KIF22: variants seen among roughly 807,000 people sequenced by gnomAD.
KIF22 encodes the protein kinesin family member 22, also known as kinesin-like protein KIF22.
KIF22 carries 62 observed loss-of-function variants against 73.0 expected under a neutral mutation model. The ratio of observed to expected loss-of-function variants is 0.85; its 90% confidence interval spans 0.69 to 1.05. The LOEUF is 1.05. Among genes scored for constraint, KIF22 ranks in the 50% least tolerant of loss-of-function variants. KIF22 has a pLI of 0.00. For missense variants in KIF22, 854 were observed against 870.1 expected (o/e 0.98, Z 0.23); for synonymous variants, 411 against 340.1 (o/e 1.21, Z -2.29).
chr16:29,800,756 A>T (rs1219647401), intron 8 of KIF22, among the ~76,000 whole-genome samples: 1 of 152,232 alleles, frequency 6.6e-6, no homozygotes, highest in Non-Finnish European at 1.5e-5. Flanking sequence ...ACAGAGCAAG[A>T]CTGCATCTCA....
rs772351052 is a variant in KIF22, at chr16:29,805,137, A to T, written c.1913A>T (p.Glu638Val). Residue 638 changes from glutamate (E) to valine (V), a missense_variant, in exon 13 of 14, where the codon GAG becomes GTG. Coordinates refer to ENST00000160827, the MANE Select transcript of KIF22 (RefSeq NM_007317.3). ...CAGGTGGAGGACCTGGAACGCGTGGAGGGCATAACGGGGAAACAGATGGAG... is the reference window on the plus strand; with the variant it reads ...CAGGTGGAGGACCTGGAACGCGTGGTGGGCATAACGGGGAAACAGATGGAG... ...FSQVEDLERVEGITGKQMESF... is the reference protein window; with the variant it reads ...FSQVEDLERVVGITGKQMESF... The T allele has an allele frequency of 6.2e-7, 1 of 1,613,378 alleles. No homozygotes were observed. Among genetic ancestry groups the T allele is most frequent in the Admixed American group, 1.7e-5 (1 of 59,950 alleles).
rs1898996935 is a variant in KIF22, at chr16:29,798,042, C to T, written c.267-332C>T. ...AAAATCTTCCTTCCTTGAGCAGAAT[C>T]AGTTACTCCTTTGAGAGTGTGTTCT... is the stretch of plus-strand genomic sequence containing the variant. On this transcript the variant is annotated intron_variant, in intron 2 of 13. Transcript: ENST00000160827. This position sits in a 1 kb window ranked among gnomAD's most constrained non-coding sequence, Gnocchi z 4.1. Among the ~76,000 whole-genome samples, 1 of 152,184 alleles carries T rather than the reference C, an allele frequency of 6.6e-6. No homozygotes were observed. The highest frequency in any genetic ancestry group is 1.5e-5 in the Non-Finnish European group (1 of 68,038).
In KIF22 at chr16:29,798,846, A is replaced by G; in HGVS notation, c.549+99A>G. On this transcript the variant is annotated intron_variant, in intron 4 of 13. Transcript: ENST00000160827. This position sits in a 1 kb window ranked among gnomAD's most constrained non-coding sequence, Gnocchi z 4.1. ...TGCTGTAGCAGGGAGGTAAGGTGAG[A>G]CCTAGAAAGACAGAGACTGGGGTAG... 2 of 1,547,094 alleles carry G rather than the reference A, an allele frequency of 1.3e-6. No homozygotes were observed. Among genetic ancestry groups the G allele is most frequent in the Non-Finnish European group, 1.8e-6 (2 of 1,132,614 alleles).
At chr16:29,801,816 G>C (rs1899147066) in intron 8 of KIF22, among the ~76,000 whole-genome samples, 1 of 152,162 alleles carries the variant, frequency 6.6e-6, no homozygotes, top group Admixed American at 6.5e-5. Flanking sequence ...AAGCACAGGA[G>C]TGTCCCTGTC....
At position 29,799,160 on chromosome 16, in the gene KIF22, C is replaced by A. The variant is rs777907674; in HGVS notation, c.735C>A (p.Arg245=). The change falls in exon 5 of 14, where the codon CGC becomes CGA. Residue 245 remains arginine, a synonymous_variant. Coordinates refer to ENST00000160827, the MANE Select transcript of KIF22 (RefSeq NM_007317.3). The part of the protein sequence containing the change: ...GATRLNQRSS[R]SHAVLLVKVD... ...CCCGGCTCAACCAGCGCTCCTCCCG[C>A]AGTCATGCTGTGCTCCTGGTCAAGG... 6 of 1,613,846 alleles carry A rather than the reference C, an allele frequency of 3.7e-6. No homozygotes were observed. In the Admixed American group the frequency reaches 5.0e-5, roughly 13 times the overall value.
chr16:29,801,277 C>A lies in KIF22; in HGVS notation c.1280+1229C>A, dbSNP rs537741116. Among the ~76,000 whole-genome samples, 10 of 152,300 alleles carry A rather than the reference C, an allele frequency of 6.6e-5. No individual in the cohort carries two copies. The South Asian group carries it at 2.1e-3, about 32-fold the overall frequency. On this transcript the variant is annotated intron_variant, in intron 8 of 13. Transcript: ENST00000160827. ...TTGCTTTCTGTGTCTGGCCACTTAG[C>A]CCTTGCGCTATTCCCTCCACCCCCC...
intron 1 of KIF22, among the ~76,000 whole-genome samples, chr16:29,794,482 G>C (rs637460): frequency 0.038 from 5,835 of 152,230 alleles, 158 homozygotes; most frequent in Non-Finnish European, 0.059. Context: ...GCTGTAAATG[G>C]CAGAGCTGGG....
rs147136256 is a variant in KIF22 at position 29,797,186 on chromosome 16, A to G, written c.266+98A>G. On this transcript the variant is annotated intron_variant, in intron 2 of 13. Transcript: ENST00000160827. The surrounding 1 kb of genome is among the most constrained non-coding windows in gnomAD (Gnocchi z 4.1). ...TCCCCAGGATCCTTGCTCCCTCCTT[A>G]GCACCGCTTTGTTCCCTGAGCCTTC... 21 of 892,230 alleles carry G rather than the reference A, an allele frequency of 2.4e-5. 1 individual carries two copies. In the African/African-American group the frequency reaches 3.6e-4, roughly 15 times the overall value. 55.3% of individuals were successfully genotyped at this position (892,230 alleles called of 1,614,324 possible). A position where few individuals can be genotyped will look rare whatever the true frequency, so the allele number is the denominator to read the frequency against.
chr16:29,790,783 G>A lies in KIF22; in HGVS notation c.24G>A (p.Gln8=), dbSNP rs776056500. The change falls in exon 1 of 14, where the codon CAG becomes CAA. Residue 8 remains glutamine, a synonymous_variant. Transcript: ENST00000160827. MAAGGST[Q]QRRREMAAAS... ...GAATGGCCGCGGGCGGCTCGACGCA[G>A]CAGAGGCGACGCGAGATGGCGGCAG... 2 of 1,601,918 alleles carry A rather than the reference G, an allele frequency of 1.2e-6. No individual in the cohort carries two copies. Among genetic ancestry groups the A allele is most frequent in the Non-Finnish European group, 1.7e-6 (2 of 1,174,488 alleles).
intron 1 of KIF22, among the ~76,000 whole-genome samples, chr16:29,795,152 G>A (rs1898917422): frequency 6.6e-6 from 1 of 152,180 alleles, no homozygotes; most frequent in Non-Finnish European, 1.5e-5. Context: ...ACAAGTCAGT[G>A]CACCTCAGTT....
At position 29,803,024 on chromosome 16, in the gene KIF22, C is replaced by G. The variant is rs551921234; in HGVS notation, c.1449+87C>G. On this transcript the variant is annotated intron_variant, in intron 9 of 13. Coordinates refer to ENST00000160827, the MANE Select transcript of KIF22 (RefSeq NM_007317.3). ...CTTCAGACAGGGAAGGACACTCAGG[C>G]TGGACTAGAGTCCAGTTTTCTCCCA... 120 of 1,375,638 alleles carry G rather than the reference C, an allele frequency of 8.7e-5. 1 individual carries two copies. In the East Asian group the frequency reaches 2.7e-3, roughly 31 times the overall value. The allele number at this position is 1,375,638 out of a possible 1,614,324, so 85.2% of individuals were successfully genotyped here.
At chr16:29,795,173 A>C (rs1187406653) in intron 1 of KIF22, among the ~76,000 whole-genome samples, 1 of 152,218 alleles carries the variant, frequency 6.6e-6, no homozygotes, top group African/African-American at 2.4e-5. Flanking sequence ...TTCTATCTGC[A>C]CACATGCATC....
chr16:29,800,083 G>A (rs1320034636), intron 8 of KIF22, 35 bp downstream of exon 8: 4 of 1,584,088 alleles, frequency 2.5e-6, no homozygotes, highest in South Asian at 1.1e-5. Context: ...TCCCCTTCCT[G>A]ATGTATGGCT....
chr16:29,797,147 C>T lies in KIF22; in HGVS notation c.266+59C>T. The stretch of plus-strand genomic sequence containing the variant: ...ATCACCTCCCTCTCCTAGGCCTGCC[C>T]ACGTTCCCCTGCCTCCCCAGGATCC... On this transcript the variant is annotated intron_variant, in intron 2 of 13. Coordinates refer to ENST00000160827, the MANE Select transcript of KIF22 (RefSeq NM_007317.3). This position sits in a 1 kb window ranked among gnomAD's most constrained non-coding sequence, Gnocchi z 4.1. 21 of 1,297,606 alleles carry T rather than the reference C, an allele frequency of 1.6e-5. No individual in the cohort carries two copies. The South Asian group carries it at 3.0e-4, about 19-fold the overall frequency. 80.4% of individuals were successfully genotyped at this position (1,297,606 alleles called of 1,614,324 possible). A position where few individuals can be genotyped will look rare whatever the true frequency, so the allele number is the denominator to read the frequency against.
intron 10 of KIF22, 129 bp from the exon 11 acceptor site, chr16:29,803,869 G>T: frequency 1.3e-6 from 1 of 760,472 alleles, no homozygotes; most frequent in South Asian, 1.6e-5. Flanking sequence ...AAAAGGTCAT[G>T]TGGAAACACA....
rs1345764333 is a variant in KIF22, at chr16:29,798,368, C to T, written c.267-6C>T. On this transcript the variant is annotated splice_polypyrimidine_tract_variant and splice_region_variant and intron_variant, in intron 2 of 13. Coordinates refer to ENST00000160827, the MANE Select transcript of KIF22 (RefSeq NM_007317.3). This position sits in a 1 kb window ranked among gnomAD's most constrained non-coding sequence, Gnocchi z 4.1. ...CACACGCTAATTTCTTTCTTTCTTC[C>T]TGCAGGTTTGATGCCTTCTATGGGG... 1 of 1,368,994 alleles carries T rather than the reference C, an allele frequency of 7.3e-7. No homozygotes were observed. Among genetic ancestry groups the T allele is most frequent in the Admixed American group, 2.0e-5 (1 of 50,782 alleles). The allele number at this position is 1,368,994 out of a possible 1,614,324, so 84.8% of individuals were successfully genotyped here. A position where few individuals can be genotyped will look rare whatever the true frequency, so the allele number is the denominator to read the frequency against.
Position 29,790,755 on chromosome 16 carries a change from G to A in KIF22, c.-5G>A, listed in dbSNP as rs1898785435. Reference sequence around the variant, plus strand: ...TGGGAGAGGCGGGCCCAAGGAGGGAGTGGAATGGCCGCGGGCGGCTCGACG... The same window carrying A: ...TGGGAGAGGCGGGCCCAAGGAGGGAATGGAATGGCCGCGGGCGGCTCGACG... On this transcript the variant is annotated 5_prime_UTR_variant, in exon 1 of 14. The change creates a new upstream start codon in the 5' untranslated region. Transcript: ENST00000160827. The A allele has an allele frequency of 6.3e-7, 1 of 1,591,626 alleles. No individual in the cohort carries two copies. Among genetic ancestry groups the A allele is most frequent in the Non-Finnish European group, 8.6e-7 (1 of 1,168,796 alleles).
At chr16:29,799,821 G>A in intron 7 of KIF22, 40 bp downstream of exon 7, 1 of 1,613,084 alleles carries the variant, frequency 6.2e-7, no homozygotes. Context: ...CGCTGGGTCT[G>A]GAAATTAGGG....
intron 11 of KIF22, chr16:29,804,410 G>A (rs1025967105): frequency 9.7e-6 from 6 of 619,648 alleles, no homozygotes; most frequent in Non-Finnish European, 1.8e-5. Flanking sequence ...AACACCACTA[G>A]AACTACCCAA....
Sources: gnomAD v4.1 joint callset for allele counts (sites outside exome capture counted in the v4.1 genomes callset) on GRCh38, gnomAD v4.1.1 for gene constraint, Gnocchi (gnomAD v3.1) non-coding constraint, MANE v1.5 for transcripts, NCBI Gene and HGNC (gene_info 2026-07-23, HGNC 2026-07-21) for gene names.